Variants in TRAK1 observed in about 807,000 individuals in gnomAD.
TRAK1 encodes trafficking kinesin-binding protein 1.
A neutral mutation model predicts 92.1 loss-of-function variants in TRAK1; 33 were observed. The ratio of observed to expected loss-of-function variants is 0.36; its 90% CI spans 0.27 to 0.48. The LOEUF is 0.48. Among genes scored for constraint, TRAK1 ranks in the 20% least tolerant of loss-of-function variants. The pLI is 0.99. For missense variants in TRAK1, 1,123 were observed against 1,257.9 expected, an observed-to-expected ratio of 0.89 and a Z score of 1.62; for synonymous variants, 521 against 517.3, an observed-to-expected ratio of 1.01 and a Z score of -0.10.
chr3:42,057,382 A>G (rs192565693), intron 1 of TRAK1, among the ~76,000 whole-genome samples: 1 of 152,304 alleles, frequency 6.6e-6, no homozygotes, highest in East Asian at 1.9e-4. Context: ...AGTAACAGAA[A>G]TTGATTGCCA....
chr3:42,181,081 A>C (rs944639810), intron 3 of TRAK1, among the ~76,000 whole-genome samples: 2 of 152,148 alleles, frequency 1.3e-5, no homozygotes, highest in African/African-American at 2.4e-5. Context: ...TCATTGCTCT[A>C]CTTGTTTCTC....
intron 1 of TRAK1, among the ~76,000 whole-genome samples, chr3:42,098,767 A>G (rs1334806427): frequency 1.3e-5 from 2 of 152,192 alleles, no homozygotes; most frequent in Non-Finnish European, 1.5e-5. Context: ...CCTTTTGAGC[A>G]TGGGAGTCCA....
rs1035266384 is a variant in TRAK1, at chr3:42,224,159, C to T, written c.*422C>T. 2 of 452,536 alleles carry T rather than the reference C, an allele frequency of 4.4e-6. No homozygotes were observed. Among genetic ancestry groups the T allele is most frequent in the Non-Finnish European group, 8.8e-6 (2 of 226,352 alleles). The allele number at this position is 452,536 out of a possible 1,614,324, so 28.0% of individuals were successfully genotyped here. On this transcript the variant is annotated 3_prime_UTR_variant, in exon 16 of 16. Transcript: ENST00000327628. ...AGCTGTCACGCGGCACGGGTCATAACACATCTGGGTGTCATCGGACACCTC... is the reference window on the plus strand; with the variant it reads ...AGCTGTCACGCGGCACGGGTCATAATACATCTGGGTGTCATCGGACACCTC...
intron 2 of TRAK1, among the ~76,000 whole-genome samples, chr3:42,171,500 G>A (rs1182453409): frequency 6.6e-6 from 1 of 152,162 alleles, no homozygotes; most frequent in African/African-American, 2.4e-5. Context: ...AGGTTGCTGT[G>A]ATGGAACTGT....
intron 3 of TRAK1, among the ~76,000 whole-genome samples, 154 bp from the exon 4 acceptor site, chr3:42,184,531 T>C (rs1704502923): frequency 6.6e-6 from 1 of 152,232 alleles, no homozygotes; most frequent in Non-Finnish European, 1.5e-5. Flanking sequence ...TATGCCTGTT[T>C]TAACAGGCAT....
chr3:42,184,830 A>T, intron 4 of TRAK1, 29 bp downstream of exon 4: 2 of 1,587,870 alleles, frequency 1.3e-6, no homozygotes, highest in Non-Finnish European at 1.7e-6. Context: ...AGGCTTCCAG[A>T]GGGGCCCGCC....
At chr3:42,100,053 G>A (rs1035182978) in intron 1 of TRAK1, among the ~76,000 whole-genome samples, 3 of 152,158 alleles carry the variant, frequency 2.0e-5, no homozygotes, top group African/African-American at 7.2e-5. Context: ...GGAAAGGGGA[G>A]TTAATCGTAG....
At chr3:42,067,988 A>G (rs1272560888) in intron 1 of TRAK1, among the ~76,000 whole-genome samples, 1 of 151,992 alleles carries the variant, frequency 6.6e-6, no homozygotes, top group Non-Finnish European at 1.5e-5. Flanking sequence ...CCTTGCCAAC[A>G]TGGTGAAACT....
intron 2 of TRAK1, among the ~76,000 whole-genome samples, chr3:42,163,666 C>T (rs1405960585): frequency 6.6e-6 from 1 of 152,108 alleles, no homozygotes; most frequent in South Asian, 2.1e-4. Flanking sequence ...GGTTTTAACA[C>T]GCCCTCTGGG....
chr3:42,145,210 C>T (rs996969739), intron 2 of TRAK1, among the ~76,000 whole-genome samples: 3 of 152,152 alleles, frequency 2.0e-5, no homozygotes, highest in Admixed American at 6.5e-5. Context: ...GGGAGCCAAC[C>T]GTGGTGGCCC....
At chr3:42,035,784 G>C (rs1329152183) in intron 1 of TRAK1, among the ~76,000 whole-genome samples, 1 of 152,204 alleles carries the variant, frequency 6.6e-6, no homozygotes, top group African/African-American at 2.4e-5. Flanking sequence ...TCCTCCCCTT[G>C]CTAAAGCCAT....
intron 8 of TRAK1, among the ~76,000 whole-genome samples, chr3:42,193,554 G>C (rs530180130): frequency 2.6e-5 from 4 of 152,248 alleles, no homozygotes; most frequent in Non-Finnish European, 5.9e-5. Context: ...GATTTAAGAA[G>C]AGGCAGCAAA....
intron 14 of TRAK1, 187 bp downstream of exon 14, chr3:42,210,172 C>G (rs1345351110): frequency 1.3e-6 from 2 of 1,587,470 alleles, no homozygotes. Context: ...TTCCCGGAGG[C>G]AGAGTTTTGG....
intron 1 of TRAK1, among the ~76,000 whole-genome samples, chr3:42,108,733 A>G (rs1707935722): frequency 6.6e-6 from 1 of 152,092 alleles, no homozygotes; most frequent in African/African-American, 2.4e-5. Flanking sequence ...CACATACTCT[A>G]CAATGCAAAA....
At chr3:42,053,034 ACT>A (rs1703043510) in intron 1 of TRAK1, among the ~76,000 whole-genome samples, 1 of 152,090 alleles carries the variant, frequency 6.6e-6, no homozygotes, top group Non-Finnish European at 1.5e-5. Flanking sequence ...AGATTTCCTG[ACT>A]CTGCAAGCTG....
chr3:42,091,445 G>A lies in TRAK1; in HGVS notation c.-25G>A. The A allele has an allele frequency of 6.2e-7, 1 of 1,610,650 alleles. No individual in the cohort carries two copies. ...ATGGAGGCTCTCTCTGTTCTCTGAA[G>A]TGCCTTTGGAGTTTATGTCTGCACA... On this transcript the variant is annotated 5_prime_UTR_variant, in exon 1 of 16. In the 5' UTR this introduces an upstream ATG that the reference lacks. Transcript: ENST00000327628.
intron 1 of TRAK1, among the ~76,000 whole-genome samples, chr3:42,062,836 C>T (rs1703507071): frequency 6.6e-6 from 1 of 152,162 alleles, no homozygotes; most frequent in Non-Finnish European, 1.5e-5. Context: ...CCCTACAGCC[C>T]CTTGAGCTGT....
intron 12 of TRAK1, among the ~76,000 whole-genome samples, chr3:42,201,822 G>T (rs1365635678): frequency 6.6e-6 from 1 of 150,914 alleles, no homozygotes. Flanking sequence ...GGAATGGTCA[G>T]TTCCTCTTTG....
At chr3:42,035,088 C>T (rs1244291645) in intron 1 of TRAK1, among the ~76,000 whole-genome samples, 1 of 152,158 alleles carries the variant, frequency 6.6e-6, no homozygotes, top group Non-Finnish European at 1.5e-5. Flanking sequence ...GCCTGTTATT[C>T]GAGCACCCAT....
Sources: allele counts gnomAD v4.1 joint callset (sites outside exome capture counted in the v4.1 genomes callset), GRCh38; gene constraint gnomAD v4.1.1; transcripts MANE v1.5; gene names NCBI Gene and HGNC (gene_info 2026-07-23, HGNC 2026-07-21).